The following NREP variants were observed in gnomAD, a reference collection of about 807,000 sequenced individuals.
NREP encodes neuronal regeneration related protein, also known as neuronal regeneration-related protein.
In NREP, 5 loss-of-function variants were observed where a neutral mutation model predicts 8.6. That is an observed-to-expected ratio of 0.58 (90% confidence interval 0.30 to 1.22). The LOEUF (loss-of-function observed/expected upper bound fraction) is 1.22, where lower values mean the gene tolerates loss of function less well. Ranked by LOEUF, NREP falls within the 50% of genes most tolerant of loss-of-function variation. The pLI, the probability that NREP is intolerant of heterozygous loss-of-function variation, is 0.07. For missense variants in NREP, 86 were observed against 82.5 expected, an observed-to-expected ratio of 1.04 and a Z score of -0.17; for synonymous variants, 27 against 28.0, an observed-to-expected ratio of 0.96 and a Z score of 0.11.
chr5:111,913,365 C>T (rs2112566245), intron 2 of NREP, among the ~76,000 whole-genome samples: 1 of 152,204 alleles, frequency 6.6e-6, no homozygotes, highest in Non-Finnish European at 1.5e-5. Flanking sequence ...CATTGCCTTT[C>T]ATTAATCCAT....
At chr5:111,915,426 A>G (rs1050491211) in intron 2 of NREP, among the ~76,000 whole-genome samples, 3 of 152,062 alleles carry the variant, frequency 2.0e-5, no homozygotes, top group African/African-American at 7.2e-5. Flanking sequence ...CTCACATTAA[A>G]AAAAAGGCTG....
At chr5:111,744,480 C>A (rs944307559) in intron 2 of NREP, among the ~76,000 whole-genome samples, 1 of 151,978 alleles carries the variant, frequency 6.6e-6, no homozygotes, top group Non-Finnish European at 1.5e-5. Flanking sequence ...TATTTAAATG[C>A]TCAGGACAAA....
intron 1 of NREP, among the ~76,000 whole-genome samples, chr5:111,975,539 G>T (rs1218315555): frequency 6.6e-6 from 1 of 152,152 alleles, no homozygotes; most frequent in African/African-American, 2.4e-5. Context: ...TTATTTCCAT[G>T]AAGACTCTTT....
intron 2 of NREP, among the ~76,000 whole-genome samples, chr5:111,919,557 G>C (rs1476970172): frequency 6.6e-6 from 1 of 152,046 alleles, no homozygotes; most frequent in Non-Finnish European, 1.5e-5. Context: ...AAAAGGATGA[G>C]TTCATATCTT....
intron 2 of NREP, among the ~76,000 whole-genome samples, chr5:111,816,739 CAAA>C (rs1047919972): frequency 2.7e-5 from 4 of 148,182 alleles, no homozygotes; most frequent in Admixed American, 1.3e-4. Context: ...ACTGATCAAA[CAAA>C]AAAAAGTAAG....
intron 2 of NREP, among the ~76,000 whole-genome samples, chr5:111,894,426 TC>T (rs1428878995): frequency 5.3e-5 from 8 of 149,638 alleles, no homozygotes; most frequent in Non-Finnish European, 1.2e-4. Context: ...TAATCAGGTT[TC>T]CTGTCAGCAT....
chr5:111,810,073 C>A (rs1277846416), intron 2 of NREP, among the ~76,000 whole-genome samples: 1 of 151,130 alleles, frequency 6.6e-6, no homozygotes, highest in Non-Finnish European at 1.5e-5. Context: ...ATTAGTTAGC[C>A]AAATAAATAA....
intron 2 of NREP, among the ~76,000 whole-genome samples, chr5:111,774,797 T>C (rs1195809052): frequency 6.6e-6 from 1 of 152,204 alleles, no homozygotes; most frequent in Non-Finnish European, 1.5e-5. Context: ...GACATTCTGA[T>C]TTCTACCTTG....
intron 2 of NREP, among the ~76,000 whole-genome samples, chr5:111,887,440 T>C (rs1263092805): frequency 1.3e-5 from 2 of 152,206 alleles, no homozygotes; most frequent in Admixed American, 1.3e-4. Flanking sequence ...ATCCCCAAGA[T>C]TACAATATCT....
intron 2 of NREP, among the ~76,000 whole-genome samples, chr5:111,873,278 A>G (rs1753830498): frequency 6.6e-6 from 1 of 152,224 alleles, no homozygotes; most frequent in Non-Finnish European, 1.5e-5. Context: ...GAACGGTATC[A>G]GTTTTCCATC....
At chr5:111,868,390 G>C (rs926294024) in intron 2 of NREP, among the ~76,000 whole-genome samples, 10 of 152,128 alleles carry the variant, frequency 6.6e-5, no homozygotes, top group African/African-American at 2.4e-4. Context: ...ACACCAGTAA[G>C]GAGGTTTTTG....
At chr5:111,777,664 G>A (rs1417730849) in intron 2 of NREP, among the ~76,000 whole-genome samples, 1 of 152,028 alleles carries the variant, frequency 6.6e-6, no homozygotes, top group Non-Finnish European at 1.5e-5. Flanking sequence ...AGTCCAAAAT[G>A]CTGTTTATGT....
intron 2 of NREP, among the ~76,000 whole-genome samples, chr5:111,856,569 G>A (rs1581168442): frequency 6.6e-6 from 1 of 152,076 alleles, no homozygotes; most frequent in Admixed American, 6.6e-5. Context: ...GAATTCCAGA[G>A]CCCATGTTAG....
intron 2 of NREP, among the ~76,000 whole-genome samples, chr5:111,927,264 T>C (rs1451828919): frequency 6.6e-6 from 1 of 152,082 alleles, no homozygotes; most frequent in Non-Finnish European, 1.5e-5. Flanking sequence ...ACAGGAAATA[T>C]CTTGAGCTTT....
intron 2 of NREP, among the ~76,000 whole-genome samples, chr5:111,949,252 C>A (rs1386032947): frequency 1.3e-5 from 2 of 151,962 alleles, no homozygotes; most frequent in African/African-American, 4.8e-5. Context: ...ATGTGGGCCA[C>A]ACCATTGAAT....
At position 111,909,056 on chromosome 5, in the gene NREP, C is replaced by T. The variant is rs572946032; in HGVS notation, c.135+66218G>A. Among the ~76,000 whole-genome samples, 18 of 152,042 alleles carry T rather than the reference C, an allele frequency of 1.2e-4. 1 individual carries two copies. The highest frequency in any genetic ancestry group is 4.6e-4 in the Admixed American group (7 of 15,250). On this transcript the variant is annotated intron_variant, in intron 2 of 3. Transcript: ENST00000395634. ...AGAAGTGTCTGTACATGTCTTTTGG[C>T]CACTTTTTAATGGGGCTTTTTGGTT...
chr5:111,937,600 A>C (rs972071459), intron 2 of NREP, among the ~76,000 whole-genome samples: 1 of 152,104 alleles, frequency 6.6e-6, no homozygotes, highest in Non-Finnish European at 1.5e-5. Context: ...TCCTGGTTAA[A>C]GTATAAAACA....
At chr5:111,800,290 G>T (rs1322021473) in intron 2 of NREP, among the ~76,000 whole-genome samples, 12 of 152,174 alleles carry the variant, frequency 7.9e-5, no homozygotes, top group Admixed American at 7.9e-4. Context: ...ATTATTTAAA[G>T]AATTTCATTA....
intron 2 of NREP, among the ~76,000 whole-genome samples, chr5:111,970,825 C>CAAAA (rs33962098): frequency 4.7e-3 from 245 of 51,998 alleles, no homozygotes; most frequent in Middle Eastern, 8.5e-3. Flanking sequence ...GACTCCATCT[C>CAAAA]AAAAAAAAAA....
Sources: allele counts gnomAD v4.1 joint callset (sites outside exome capture counted in the v4.1 genomes callset), GRCh38; gene constraint gnomAD v4.1.1; transcripts MANE v1.5; gene names NCBI Gene and HGNC (gene_info 2026-07-23, HGNC 2026-07-21).